The following SLC25A34 variants were observed in gnomAD, a reference collection of about 807,000 sequenced individuals.
The protein encoded by SLC25A34 is solute carrier family 25, member 34.
A neutral mutation model predicts 28.1 loss-of-function variants in SLC25A34; 26 were observed. The ratio of observed to expected loss-of-function variants is 0.93; its 90% confidence interval spans 0.68 to 1.28. The LOEUF (loss-of-function observed/expected upper bound fraction) is 1.28, where lower values mean the gene tolerates loss of function less well. Ranked by LOEUF, SLC25A34 falls within the 50% of genes most tolerant of loss-of-function variation. SLC25A34 has a pLI of 0.00. For missense variants in SLC25A34, 384 were observed against 409.8 expected (o/e 0.94, Z 0.54); for synonymous variants, 182 against 182.2 (o/e 1.00, Z 0.01).
Position 15,736,535 on chromosome 1 carries a change from G to A in SLC25A34, c.50G>A (p.Cys17Tyr). Residue 17 changes from cysteine (C) to tyrosine (Y), a missense_variant, in exon 1 of 5, where the codon TGC (cysteine) becomes TAC (tyrosine). Transcript: ENST00000294454. ...GACCTGGTGCTGGGTGCTTCTGCCT[G>A]CTGCCTGGCCTGTGTCTTCACCAAC... is the stretch of plus-strand genomic sequence containing the variant. ...AVDLVLGASA[C>Y]CLACVFTNPL... The A allele has an allele frequency of 6.9e-7, 1 of 1,450,698 alleles. No homozygotes were observed. Among genetic ancestry groups the A allele is most frequent in the South Asian group, 1.5e-5 (1 of 67,630 alleles). 89.9% of individuals were successfully genotyped at this position (1,450,698 alleles called of 1,614,324 possible).
chr1:15,738,753 G>C, intron 4 of SLC25A34, 25 bp downstream of exon 4: 1 of 1,505,248 alleles, frequency 6.6e-7, no homozygotes, highest in South Asian at 1.3e-5. Context: ...GTCTAGGGGA[G>C]ACCGTGGGGA....
chr1:15,737,269 T>C (rs2068233771), intron 1 of SLC25A34, among the ~76,000 whole-genome samples: 1 of 152,198 alleles, frequency 6.6e-6, no homozygotes, highest in South Asian at 2.1e-4. Flanking sequence ...AAAAAATGTT[T>C]TGAAGAAAGC....
At position 15,739,287 on chromosome 1, in the gene SLC25A34, G is replaced by A. The variant is rs750166518; in HGVS notation, c.796G>A (p.Ala266Thr). 6.2e-7 allele frequency: 1 copy of A among 1,611,978 alleles called. No homozygotes were observed. Among genetic ancestry groups the A allele is most frequent in the South Asian group, 1.1e-5 (1 of 90,932 alleles). ...VKIWRQEGPL[A>T]LYKGLGPAYL... ...GATCTGGCGGCAGGAGGGCCCCCTG[G>A]CACTCTACAAGGGCCTGGGCCCCGC... Residue 266 changes from alanine to threonine, a missense_variant, in exon 5 of 5, where the codon GCA becomes ACA. Transcript: ENST00000294454.
At position 15,740,752 on chromosome 1, in the gene SLC25A34, C is replaced by G. The variant is rs1008168979; in HGVS notation, c.*1346C>G. On this transcript the variant is annotated 3_prime_UTR_variant, in exon 5 of 5. Transcript: ENST00000294454. ...TTGCCCAGGCTGGAGTGCGGTGGTG[C>G]AATCTCGGCTCACCACAACCTCCAC... is the stretch of plus-strand genomic sequence containing the variant. 1.3e-5 allele frequency: 2 copies of G among 152,128 alleles called. No individual in the cohort carries two copies. The highest frequency in any genetic ancestry group is 4.8e-5 in the African/African-American group (2 of 41,334). 9.4% of individuals were successfully genotyped at this position (152,128 alleles called of 1,614,324 possible). A position where few individuals can be genotyped will look rare whatever the true frequency, so the allele number is the denominator to read the frequency against.
At chr1:15,739,088 A>C in intron 4 of SLC25A34, 136 bp from the exon 5 acceptor site, 1 of 1,139,508 alleles carries the variant, frequency 8.8e-7, no homozygotes. Flanking sequence ...ATGGCGCCGC[A>C]GCCTCACAGG....
In SLC25A34 at chr1:15,736,612, C is replaced by T. The variant is rs762253847; in HGVS notation, c.127C>T (p.Arg43Trp). 35 of 1,563,244 alleles carry T rather than the reference C, an allele frequency of 2.2e-5. No individual in the cohort carries two copies. Among genetic ancestry groups the T allele is most frequent in the Non-Finnish European group, 2.5e-5 (29 of 1,155,002 alleles). The change falls in exon 1 of 5, where the codon CGG becomes TGG. Residue 43 changes from arginine (R) to tryptophan (W), a missense_variant. Arg to Trp is a moderately radical substitution (Grantham distance 101). Coordinates refer to ENST00000294454, the MANE Select transcript of SLC25A34 (RefSeq NM_207348.3). ...GCAGCTGCAGGGGGAGCTGCAGGCC[C>T]GGGGCACCTACCCACGGCCCTACCA... ...RLQLQGELQA[R>W]GTYPRPYHGF...
Position 15,739,426 on chromosome 1 carries a change from C to T in SLC25A34, c.*20C>T, listed in dbSNP as rs776487836. On this transcript the variant is annotated 3_prime_UTR_variant, in exon 5 of 5. Coordinates refer to ENST00000294454, the MANE Select transcript of SLC25A34 (RefSeq NM_207348.3). ...ACCTAGACGACGGCCCTCACCCCCA[C>T]GTCCTGACACGGCCGGCACTTGGCC... The T allele has an allele frequency of 4.7e-6, 7 of 1,491,254 alleles. No individual in the cohort carries two copies. Among genetic ancestry groups the T allele is most frequent in the East Asian group, 2.4e-5 (1 of 41,090 alleles). The allele number at this position is 1,491,254 out of a possible 1,614,324, so 92.4% of individuals were successfully genotyped here. A position where few individuals can be genotyped will look rare whatever the true frequency, so the allele number is the denominator to read the frequency against.
At chr1:15,737,257 T>G (rs1214298245) in intron 1 of SLC25A34, among the ~76,000 whole-genome samples, 1 of 152,158 alleles carries the variant, frequency 6.6e-6, no homozygotes, top group Non-Finnish European at 1.5e-5. Flanking sequence ...AAATAAAAAA[T>G]TAAAAAATGT....
rs2068223605 is a variant in SLC25A34, at chr1:15,736,480, G to A, written c.-6G>A. On this transcript the variant is annotated 5_prime_UTR_variant, in exon 1 of 5. Transcript: ENST00000294454. ...CCGGGCACAGAAGGCCACTGGCCCG[G>A]AGGCCATGGAGACGGTGCCCCCAGC... 1 of 1,442,774 alleles carries A rather than the reference G, an allele frequency of 6.9e-7. No individual in the cohort carries two copies. Among genetic ancestry groups the A allele is most frequent in the African/African-American group, 1.4e-5 (1 of 69,456 alleles). 89.4% of individuals were successfully genotyped at this position (1,442,774 alleles called of 1,614,324 possible).
chr1:15,736,793 C>A lies in SLC25A34; in HGVS notation c.308C>A (p.Pro103Gln). Reference protein sequence around the residue: ...LACQAGLTQQPGGTVVAGAVA... With the variant: ...LACQAGLTQQQGGTVVAGAVA... ...TGCCAGGCTGGCCTCACGCAGCAACCAGGTGGCACCGTGGTTGCGGGAGCC... is the reference window on the plus strand; with the variant it reads ...TGCCAGGCTGGCCTCACGCAGCAACAAGGTGGCACCGTGGTTGCGGGAGCC... Residue 103 changes from proline to glutamine, a missense_variant, in exon 1 of 5, where the codon CCA becomes CAA. Transcript: ENST00000294454. 1 of 1,603,304 alleles carries A rather than the reference C, an allele frequency of 6.2e-7. No homozygotes were observed. The highest frequency in any genetic ancestry group is 8.5e-7 in the Non-Finnish European group (1 of 1,178,012).
In SLC25A34 at chr1:15,736,278, C is replaced by CAGAGCAGGTGGACTGCTGAGAT. The variant is rs2068221598; in HGVS notation, c.-204_-183dup. The CAGAGCAGGTGGACTGCTGAGAT allele has an allele frequency of 4.6e-6, 2 of 431,966 alleles. No homozygotes were observed. Among genetic ancestry groups the CAGAGCAGGTGGACTGCTGAGAT allele is most frequent in the Non-Finnish European group, 7.8e-6 (2 of 257,624 alleles). The allele number at this position is 431,966 out of a possible 1,614,324, so 26.8% of individuals were successfully genotyped here. On this transcript the variant is annotated 5_prime_UTR_variant, in exon 1 of 5. Coordinates refer to ENST00000294454, the MANE Select transcript of SLC25A34 (RefSeq NM_207348.3). ...CCGGCAGACCGCTGGAACAGCTGAGCAGAGCAGGTGGACTGCTGAGATAGA... is the reference window on the plus strand; with the variant it reads ...CCGGCAGACCGCTGGAACAGCTGAGCAGAGCAGGTGGACTGCTGAGATAGAGCAGGTGGACTGCTGAGATAGA...
Position 15,736,390 on chromosome 1 carries a change from G to A in SLC25A34, c.-96G>A, listed in dbSNP as rs1250959604. On this transcript the variant is annotated 5_prime_UTR_variant, in exon 1 of 5. Transcript: ENST00000294454. ...TCGGTCCCCTGCAAACCCCAGCCCC[G>A]TAGCCCTGCGAGGTTACAGACAGCC... 5.4e-6 allele frequency: 7 copies of A among 1,303,078 alleles called. No individual in the cohort carries two copies. The highest frequency in any genetic ancestry group is 3.8e-5 in the Admixed American group (1 of 26,024). The allele number at this position is 1,303,078 out of a possible 1,614,324, so 80.7% of individuals were successfully genotyped here. A position where few individuals can be genotyped will look rare whatever the true frequency, so the allele number is the denominator to read the frequency against.
intron 1 of SLC25A34, 133 bp downstream of exon 1, chr1:15,736,996 G>T (rs2068231741): frequency 8.1e-7 from 1 of 1,241,826 alleles, no homozygotes; most frequent in Non-Finnish European, 1.1e-6. Context: ...CTGCTCCCTG[G>T]AACATCCTAG....
chr1:15,737,979 C>G lies in SLC25A34; in HGVS notation c.429C>G (p.His143Gln), dbSNP rs776523075. 6.2e-7 allele frequency: 1 copy of G among 1,613,748 alleles called. No homozygotes were observed. The highest frequency in any genetic ancestry group is 8.5e-7 in the Non-Finnish European group (1 of 1,180,020). ...CAGTGGCCGCAGTGGCCGTGGGACACCAGCACAATCACCAGGTGAGGCCTG... is the reference window on the plus strand; with the variant it reads ...CAGTGGCCGCAGTGGCCGTGGGACAGCAGCACAATCACCAGGTGAGGCCTG... ...AQTVAAVAVG[H>Q]QHNHQTVLGA... Residue 143 changes from histidine (H) to glutamine (Q), a missense_variant, in exon 2 of 5, where the codon CAC (histidine) becomes CAG (glutamine). By Grantham distance (24) the His-to-Gln change is conservative. Transcript: ENST00000294454.
chr1:15,739,384 G>A lies in SLC25A34; in HGVS notation c.893G>A (p.Arg298Gln), dbSNP rs141705341. 70 of 1,551,746 alleles carry A rather than the reference G, an allele frequency of 4.5e-5. No individual in the cohort carries two copies. In the Admixed American group the frequency reaches 1.2e-3, roughly 27 times the overall value. ...FWDELRKLAG[R>Q]AQHKGT ...GACGAGCTTCGGAAACTGGCTGGGC[G>A]GGCCCAGCACAAGGGCACCTAGACG... The change falls in exon 5 of 5, where the codon CGG becomes CAG. Residue 298 changes from arginine (R) to glutamine (Q), a missense_variant. Physicochemically the swap from Arg to Gln is conservative, Grantham distance 43. Coordinates refer to ENST00000294454, the MANE Select transcript of SLC25A34 (RefSeq NM_207348.3).
chr1:15,738,306 C>T, intron 3 of SLC25A34, 61 bp downstream of exon 3: 2 of 1,520,578 alleles, frequency 1.3e-6, no homozygotes, highest in African/African-American at 1.4e-5. Context: ...GGGGGGCCAC[C>T]TGCCTCCTTC....
rs759344978 is a variant in SLC25A34, at chr1:15,738,677, C to T, written c.681C>T (p.Phe227=). ...CCGTGGTTGTCGTCATGACTCCCTT[C>T]GATGTGGTCAGCACGCGGCTATACA... is the stretch of plus-strand genomic sequence containing the variant. ...SIAVVVVMTP[F]DVVSTRLYNQ... The change falls in exon 4 of 5, where the codon TTC becomes TTT. Residue 227 remains phenylalanine (F), a synonymous_variant. Coordinates refer to ENST00000294454, the MANE Select transcript of SLC25A34 (RefSeq NM_207348.3). The T allele has an allele frequency of 8.1e-6, 13 of 1,608,254 alleles. No individual in the cohort carries two copies. Among genetic ancestry groups the T allele is most frequent in the African/African-American group, 4.0e-5 (3 of 74,732 alleles).
At position 15,736,951 on chromosome 1, in the gene SLC25A34, G is replaced by A. The variant is rs538100023; in HGVS notation, c.378+88G>A. 132 of 1,414,602 alleles carry A rather than the reference G, an allele frequency of 9.3e-5. 1 individual carries two copies. The East Asian group carries it at 2.6e-3, about 28-fold the overall frequency. The allele number at this position is 1,414,602 out of a possible 1,614,324, so 87.6% of individuals were successfully genotyped here. A position where few individuals can be genotyped will look rare whatever the true frequency, so the allele number is the denominator to read the frequency against. ...CTGCAGCCTCCAAAGGCAGGGCTCAGTGGACCTGGGTGGGGTGGGGCAGCC... is the reference window on the plus strand; with the variant it reads ...CTGCAGCCTCCAAAGGCAGGGCTCAATGGACCTGGGTGGGGTGGGGCAGCC... On this transcript the variant is annotated intron_variant, in intron 1 of 4. Transcript: ENST00000294454.
In SLC25A34 at chr1:15,736,360, T is replaced by C. The variant is rs2068222152; in HGVS notation, c.-126T>C. On this transcript the variant is annotated 5_prime_UTR_variant, in exon 1 of 5. It removes an upstream start codon present in the reference 5' UTR. Transcript: ENST00000294454. Reference sequence around the variant, plus strand: ...GACCAGGACCCTTACCCTCTAGACATGGCCTCGGTCCCCTGCAAACCCCAG... The same window carrying C: ...GACCAGGACCCTTACCCTCTAGACACGGCCTCGGTCCCCTGCAAACCCCAG... 1.7e-5 allele frequency: 18 copies of C among 1,064,680 alleles called. No homozygotes were observed. Among genetic ancestry groups the C allele is most frequent in the Non-Finnish European group, 2.1e-5 (17 of 814,950 alleles). The allele number at this position is 1,064,680 out of a possible 1,614,324, so 66.0% of individuals were successfully genotyped here. A position where few individuals can be genotyped will look rare whatever the true frequency, so the allele number is the denominator to read the frequency against.
Sources: allele counts gnomAD v4.1 joint callset (sites outside exome capture counted in the v4.1 genomes callset), GRCh38; gene constraint gnomAD v4.1.1; transcripts MANE v1.5; gene names NCBI Gene and HGNC (gene_info 2026-07-23, HGNC 2026-07-21).